The following RBM20 variants were observed in gnomAD, a reference collection of about 807,000 sequenced individuals.
The protein encoded by RBM20 is RNA binding motif protein 20, also known as RNA-binding protein 20.
RBM20 carries 51 observed loss-of-function variants against 110.1 expected under a neutral mutation model. That is an observed-to-expected ratio of 0.46 (90% confidence interval 0.37 to 0.59). The LOEUF is 0.59. Among genes scored for constraint, RBM20 ranks in the 20% least tolerant of loss-of-function variants. RBM20 has a pLI of 0.00. For missense variants in RBM20, 1,512 were observed against 1,574.9 expected (o/e 0.96, Z 0.68); for synonymous variants, 589 against 618.2 (o/e 0.95, Z 0.70).
chr10:110,823,588 T>A lies in RBM20; in HGVS notation c.3425T>A (p.Val1142Glu). The A allele has an allele frequency of 6.4e-7, 1 of 1,551,698 alleles. No individual in the cohort carries two copies. Among genetic ancestry groups the A allele is most frequent in the Non-Finnish European group, 8.7e-7 (1 of 1,146,984 alleles). The change falls in exon 12 of 14, where the codon GTG (valine) becomes GAG (glutamate). Residue 1142 changes from valine (V) to glutamate (E), a missense_variant. Transcript: ENST00000369519. Reference sequence around the variant, plus strand: ...TTGCCCTCTTGGGAACCAGAGGATGTGTTCAGTGAACTTAGCATTCCTCTA... The same window carrying A: ...TTGCCCTCTTGGGAACCAGAGGATGAGTTCAGTGAACTTAGCATTCCTCTA... ...LSLPSWEPED[V>E]FSELSIPLGV... is the part of the protein sequence containing the mutation.
At position 110,784,408 on chromosome 10, in the gene RBM20, G is replaced by A; in HGVS notation, c.1405G>A (p.Val469Ile). ...GTGTGCTTCTCCCAACAGCACAGCT[G>A]TTTATAACCCTGCTGGGAATGAAGG... ...TLCASPNSTA[V>I]YNPAGNEDYA... The change falls in exon 4 of 14, where the codon GTT becomes ATT. Residue 469 changes from valine to isoleucine, a missense_variant. Val to Ile is a conservative substitution (Grantham distance 29, BLOSUM62 3). Transcript: ENST00000369519. The A allele has an allele frequency of 1.3e-6, 2 of 1,551,418 alleles. No individual in the cohort carries two copies. The highest frequency in any genetic ancestry group is 1.7e-6 in the Non-Finnish European group (2 of 1,146,872).
At chr10:110,658,832 T>C (rs932521219) in intron 1 of RBM20, among the ~76,000 whole-genome samples, 1 of 152,088 alleles carries the variant, frequency 6.6e-6, no homozygotes, top group Non-Finnish European at 1.5e-5. Context: ...AACTAGAACA[T>C]TCTGAATTCT....
Position 110,763,159 on chromosome 10 carries a change from G to C in RBM20, c.192-17642G>C, listed in dbSNP as rs139283354. On this transcript the variant is annotated intron_variant, in intron 1 of 13. Coordinates refer to ENST00000369519, the MANE Select transcript of RBM20 (RefSeq NM_001134363.3). ...CAGGTGGCCCATGGAAGAGCCTCTGGTGGGCAGCTAGAAACAGGCTGGTCA... is the reference window on the plus strand; with the variant it reads ...CAGGTGGCCCATGGAAGAGCCTCTGCTGGGCAGCTAGAAACAGGCTGGTCA... Among the ~76,000 whole-genome samples the C allele has an allele frequency of 2.8e-3, 426 of 152,288 alleles. 2 individuals are homozygous for C. The highest frequency in any genetic ancestry group is 9.5e-3 in the African/African-American group (395 of 41,562).
rs192745469 is a variant in RBM20, at chr10:110,819,542, C to A, written c.2551-530C>A. Among the ~76,000 whole-genome samples, 554 of 152,182 alleles carry A rather than the reference C, an allele frequency of 3.6e-3. 4 individuals are homozygous for A. Among genetic ancestry groups the A allele is most frequent in the African/African-American group, 0.013 (520 of 41,514 alleles). On this transcript the variant is annotated intron_variant, in intron 9 of 13. Transcript: ENST00000369519. ...GGTCCTGATTTGGGGGAAGGGAATACAAGGAAGGAGGAAAGGGAGTGTTAG... is the reference window on the plus strand; with the variant it reads ...GGTCCTGATTTGGGGGAAGGGAATAAAAGGAAGGAGGAAAGGGAGTGTTAG...
At chr10:110,774,410 A>G (rs560864436) in intron 1 of RBM20, among the ~76,000 whole-genome samples, 1 of 152,254 alleles carries the variant, frequency 6.6e-6, no homozygotes, top group Non-Finnish European at 1.5e-5. Flanking sequence ...AGGCCAAGCT[A>G]GTGAAGACCC....
At chr10:110,716,072 A>G (rs894651810) in intron 1 of RBM20, among the ~76,000 whole-genome samples, 6 of 152,232 alleles carry the variant, frequency 3.9e-5, no homozygotes, top group African/African-American at 1.4e-4. Flanking sequence ...TAAAAAGGGG[A>G]TAATGTAAGT....
intron 1 of RBM20, among the ~76,000 whole-genome samples, chr10:110,746,101 T>C (rs533031443): frequency 6.6e-6 from 1 of 152,316 alleles, no homozygotes; most frequent in African/African-American, 2.4e-5. Context: ...CTGGAATTCA[T>C]ATGCGTGGGA....
intron 6 of RBM20, among the ~76,000 whole-genome samples, chr10:110,799,307 A>G (rs1237835872): frequency 6.6e-6 from 1 of 152,194 alleles, no homozygotes; most frequent in East Asian, 1.9e-4. Flanking sequence ...GTAGCCCAGG[A>G]CAGACATACA....
At chr10:110,652,663 G>A (rs956525618) in intron 1 of RBM20, among the ~76,000 whole-genome samples, 2 of 152,160 alleles carry the variant, frequency 1.3e-5, no homozygotes, top group Non-Finnish European at 2.9e-5. Flanking sequence ...AGACAAATGA[G>A]CATCAGAGAA....
At position 110,809,128 on chromosome 10, in the gene RBM20, A is replaced by G. The variant is rs554658186; in HGVS notation, c.1801-1255A>G. Among the ~76,000 whole-genome samples, 58 of 147,702 alleles carry G rather than the reference A, an allele frequency of 3.9e-4. 1 individual carries two copies. The highest frequency in any genetic ancestry group is 1.4e-3 in the African/African-American group (55 of 40,566). On this transcript the variant is annotated intron_variant, in intron 7 of 13. Coordinates refer to ENST00000369519, the MANE Select transcript of RBM20 (RefSeq NM_001134363.3). ...CTACTTTGGAGGCTGAAGTGGGAGA[A>G]TCACTTGTGCCTGGGAGGTTGAGGC...
intron 1 of RBM20, among the ~76,000 whole-genome samples, chr10:110,670,808 C>A (rs1045740254): frequency 6.6e-6 from 1 of 152,132 alleles, no homozygotes; most frequent in African/African-American, 2.4e-5. Flanking sequence ...AAGGGAAATT[C>A]TTGAAAGAAA....
At chr10:110,712,065 G>C (rs542625664) in intron 1 of RBM20, among the ~76,000 whole-genome samples, 2 of 152,184 alleles carry the variant, frequency 1.3e-5, no homozygotes, top group African/African-American at 4.8e-5. Context: ...TCCAAGTATG[G>C]AAGTAGCATT....
intron 1 of RBM20, among the ~76,000 whole-genome samples, chr10:110,685,708 A>G (rs934239899): frequency 1.4e-5 from 2 of 147,976 alleles, no homozygotes; most frequent in Non-Finnish European, 3.0e-5. Context: ...TGGAAGGAAC[A>G]TGAAAAATAA....
intron 1 of RBM20, among the ~76,000 whole-genome samples, chr10:110,686,900 G>A (rs1346407301): frequency 6.6e-6 from 1 of 151,786 alleles, no homozygotes; most frequent in Non-Finnish European, 1.5e-5. Flanking sequence ...TTAGCCGGGT[G>A]TGGTGGTGCA....
At chr10:110,776,257 T>C (rs1844262815) in intron 1 of RBM20, among the ~76,000 whole-genome samples, 1 of 152,184 alleles carries the variant, frequency 6.6e-6, no homozygotes, top group East Asian at 1.9e-4. Context: ...CCCCTACACC[T>C]ACCACCGCCT....
chr10:110,767,412 C>T (rs1426840684), intron 1 of RBM20, among the ~76,000 whole-genome samples: 19 of 148,418 alleles, frequency 1.3e-4, no homozygotes, highest in African/African-American at 4.3e-4. Flanking sequence ...CCCTCCCGGA[C>T]GGGGTGGCTG....
rs139847228 is a variant in RBM20, at chr10:110,741,778, C to T, written c.192-39023C>T. On this transcript the variant is annotated intron_variant, in intron 1 of 13. Coordinates refer to ENST00000369519, the MANE Select transcript of RBM20 (RefSeq NM_001134363.3). ...CACCAAGCCTGAGCTCAGACCTCAC[C>T]TCCTCTAGGAACCCCTCCAGGACCA... is the stretch of plus-strand genomic sequence containing the variant. 6.5e-3 allele frequency among the ~76,000 whole-genome samples: 985 copies of T among 151,976 alleles called. 4 individuals carry two copies. Among genetic ancestry groups the T allele is most frequent in the Non-Finnish European group, 9.6e-3 (655 of 67,964 alleles).
intron 1 of RBM20, among the ~76,000 whole-genome samples, chr10:110,649,784 A>G (rs1037947324): frequency 7.9e-5 from 12 of 152,174 alleles, no homozygotes; most frequent in African/African-American, 2.7e-4. Flanking sequence ...CATGGCAAAG[A>G]TGGTAATTAG....
In RBM20 at chr10:110,644,730, C is replaced by A; in HGVS notation, c.191+85C>A. The A allele has an allele frequency of 9.4e-7, 1 of 1,061,134 alleles. No homozygotes were observed. Among genetic ancestry groups the A allele is most frequent in the Middle Eastern group, 2.8e-4 (1 of 3,564 alleles). 65.7% of individuals were successfully genotyped at this position (1,061,134 alleles called of 1,614,324 possible). On this transcript the variant is annotated intron_variant, in intron 1 of 13. Transcript: ENST00000369519. The surrounding 1 kb of genome is among the most constrained non-coding windows in gnomAD (Gnocchi z 4.3). The stretch of plus-strand genomic sequence containing the variant: ...CCCTTTGTGGCTTCATTTCCCGTCC[C>A]TGCTGAACTTCGCTCGCCCCCCTTG...
Sources: allele counts gnomAD v4.1 joint callset (sites outside exome capture counted in the v4.1 genomes callset), GRCh38; gene constraint gnomAD v4.1.1; non-coding constraint Gnocchi (gnomAD v3.1); transcripts MANE v1.5; gene names NCBI Gene and HGNC (gene_info 2026-07-23, HGNC 2026-07-21).